The following MAPK9 variants were observed in gnomAD, a reference collection of about 807,000 sequenced individuals.
MAPK9 encodes the protein Jun kinase.
MAPK9 carries 30 observed loss-of-function variants against 57.1 expected under a neutral mutation model. That is an observed-to-expected ratio of 0.53 (90% CI 0.39 to 0.71). MAPK9 has a LOEUF of 0.71. Among genes scored for constraint, MAPK9 ranks in the 30% least tolerant of loss-of-function variants. MAPK9 has a pLI of 0.00. For missense variants in MAPK9, 362 were observed against 521.0 expected, an observed-to-expected ratio of 0.69 and a Z score of 2.97; for synonymous variants, 155 against 177.0, an observed-to-expected ratio of 0.88 and a Z score of 0.99.
chr5:180,265,813 G>A (rs1760478984), intron 3 of MAPK9, among the ~76,000 whole-genome samples: 1 of 152,092 alleles, frequency 6.6e-6, no homozygotes, highest in East Asian at 1.9e-4. Flanking sequence ...TGATTGGTTA[G>A]CTAAGGACAA....
chr5:180,245,806 A>G (rs1758041460), intron 7 of MAPK9, among the ~76,000 whole-genome samples: 1 of 152,212 alleles, frequency 6.6e-6, no homozygotes, highest in South Asian at 2.1e-4. Flanking sequence ...CCGCAGGGAC[A>G]GGAGTTCCTT....
At chr5:180,238,434 A>G in intron 10 of MAPK9, 31 bp from the exon 11 acceptor site, 1 of 1,465,912 alleles carries the variant, frequency 6.8e-7, no homozygotes, top group Non-Finnish European at 9.6e-7. Context: ...AAAATGCTTA[A>G]TCAGTTTCTA....
rs569576323 is a variant in MAPK9, at chr5:180,243,838, C to T, written c.689-1083G>A. 2.3e-4 allele frequency among the ~76,000 whole-genome samples: 35 copies of T among 152,282 alleles called. No homozygotes were observed. The South Asian group carries it at 6.2e-3, about 27-fold the overall frequency. On this transcript the variant is annotated intron_variant, in intron 7 of 11. Transcript: ENST00000452135. ...ATGTGAAAACTGTCTCACACCTTTT[C>T]CTTCTGCCATATATACATATATAAA...
At chr5:180,264,259 G>A (rs1367230793) in intron 4 of MAPK9, among the ~76,000 whole-genome samples, 1 of 152,176 alleles carries the variant, frequency 6.6e-6, no homozygotes, top group Admixed American at 6.5e-5. Context: ...GTCCCAGAGA[G>A]TGCCCAGCAC....
chr5:180,279,578 G>A (rs1762128211), intron 2 of MAPK9, among the ~76,000 whole-genome samples: 1 of 152,042 alleles, frequency 6.6e-6, no homozygotes, highest in Admixed American at 6.6e-5. Context: ...GCATCGAAAA[G>A]AGCTTTCTTC....
intron 2 of MAPK9, among the ~76,000 whole-genome samples, chr5:180,276,228 C>A (rs1761805036): frequency 6.6e-6 from 1 of 152,114 alleles, no homozygotes; most frequent in South Asian, 2.1e-4. Context: ...TAAGAACAGG[C>A]CAGTACTCAT....
intron 7 of MAPK9, among the ~76,000 whole-genome samples, chr5:180,244,863 ACTCCCATCAGG>A (rs1251375888): frequency 6.6e-6 from 1 of 150,746 alleles, no homozygotes; most frequent in Non-Finnish European, 1.5e-5. Context: ...TCTCAAACAT[ACTCCCATCAGG>A]CTTTCTTCCC....
intron 2 of MAPK9, among the ~76,000 whole-genome samples, chr5:180,270,538 T>G (rs1286584635): frequency 6.6e-6 from 1 of 152,186 alleles, no homozygotes; most frequent in South Asian, 2.1e-4. Flanking sequence ...TTTATACCTA[T>G]ATACTTCTCA....
intron 1 of MAPK9, among the ~76,000 whole-genome samples, chr5:180,283,742 C>G (rs1438776396): frequency 6.6e-6 from 1 of 152,140 alleles, no homozygotes; most frequent in Non-Finnish European, 1.5e-5. Flanking sequence ...TTGAGAACAG[C>G]CTGGCCAACA....
At chr5:180,290,479 G>A (rs1335662044) in intron 1 of MAPK9, among the ~76,000 whole-genome samples, 1 of 152,168 alleles carries the variant, frequency 6.6e-6, no homozygotes, top group East Asian at 1.9e-4. Context: ...GGGCTCTCTC[G>A]GGAAAGGGAC....
intron 10 of MAPK9, 50 bp from the exon 11 acceptor site, chr5:180,238,453 C>A: frequency 1.6e-6 from 2 of 1,264,434 alleles, no homozygotes; most frequent in Non-Finnish European, 1.2e-6. Context: ...TAAACAGTTT[C>A]ACTGTATCTC....
At chr5:180,280,294 A>T in intron 2 of MAPK9, 146 bp downstream of exon 2, 1 of 1,050,762 alleles carries the variant, frequency 9.5e-7, no homozygotes, top group Non-Finnish European at 1.4e-6. Flanking sequence ...ACACAGAACT[A>T]GAGCAAGCAG....
intron 1 of MAPK9, among the ~76,000 whole-genome samples, chr5:180,283,125 C>A (rs563193591): frequency 6.6e-5 from 10 of 152,278 alleles, no homozygotes; most frequent in Admixed American, 2.0e-4. Flanking sequence ...CCATCCCTCC[C>A]TTCCTCGCTT....
chr5:180,284,211 T>C (rs1762547119), intron 1 of MAPK9, among the ~76,000 whole-genome samples: 2 of 152,226 alleles, frequency 1.3e-5, no homozygotes, highest in Admixed American at 1.3e-4. Context: ...GAATTCTTCA[T>C]GAAACCACAT....
chr5:180,247,291 A>T lies in MAPK9; in HGVS notation c.688+148T>A. On this transcript the variant is annotated intron_variant, in intron 7 of 11. Coordinates refer to ENST00000452135, the MANE Select transcript of MAPK9 (RefSeq NM_002752.5). This position sits in a 1 kb window ranked among gnomAD's most constrained non-coding sequence, Gnocchi z 4.5. ...ATTGAACCACTTGGCTTGTGACACTAATTAACAAATACAGTAAAGCCCCCC... is the reference window on the plus strand; with the variant it reads ...ATTGAACCACTTGGCTTGTGACACTTATTAACAAATACAGTAAAGCCCCCC... 1 of 757,708 alleles carries T rather than the reference A, an allele frequency of 1.3e-6. No individual in the cohort carries two copies. Among genetic ancestry groups the T allele is most frequent in the Non-Finnish European group, 2.2e-6 (1 of 461,106 alleles). 46.9% of individuals were successfully genotyped at this position (757,708 alleles called of 1,614,324 possible).
intron 5 of MAPK9, chr5:180,257,803 G>A (rs1759457157): frequency 5.9e-6 from 1 of 169,668 alleles, no homozygotes; most frequent in South Asian, 1.6e-4. Context: ...AGAAATATTC[G>A]GCCAGATTCC....
chr5:180,261,607 A>C, intron 5 of MAPK9, 77 bp downstream of exon 5: 1 of 1,310,614 alleles, frequency 7.6e-7, no homozygotes, highest in East Asian at 2.6e-5. Context: ...ATTTTTTTTA[A>C]ATGTTATTTT....
chr5:180,248,382 G>A (rs192187993), intron 6 of MAPK9, among the ~76,000 whole-genome samples: 2 of 152,194 alleles, frequency 1.3e-5, no homozygotes, highest in African/African-American at 4.8e-5. Flanking sequence ...CAGATGACCC[G>A]GGCAAACTTT....
intron 5 of MAPK9, among the ~76,000 whole-genome samples, chr5:180,249,917 T>A (rs1036685653): frequency 6.6e-6 from 1 of 152,200 alleles, no homozygotes; most frequent in Non-Finnish European, 1.5e-5. Context: ...CTCCTGTGGT[T>A]AGTGGCTGCC....
Sources: gnomAD v4.1 joint callset for allele counts (sites outside exome capture counted in the v4.1 genomes callset) on GRCh38, gnomAD v4.1.1 for gene constraint, Gnocchi (gnomAD v3.1) non-coding constraint, MANE v1.5 for transcripts, NCBI Gene and HGNC (gene_info 2026-07-23, HGNC 2026-07-21) for gene names.